Variants in UNC13B observed in about 807,000 individuals in gnomAD.
UNC13B encodes unc-13 homolog B.
A neutral mutation model predicts 211.0 loss-of-function variants in UNC13B; 144 were observed. That is an observed-to-expected ratio of 0.68 (90% CI 0.60 to 0.78). The LOEUF is 0.78. UNC13B is among the 30% of genes least tolerant of loss of function. UNC13B has a pLI of 0.00. For missense variants in UNC13B, 1,777 were observed against 2,002.0 expected (o/e 0.89, Z 2.14); for synonymous variants, 709 against 725.8 (o/e 0.98, Z 0.37).
chr9:35,331,906 T>C (rs1236126331), intron 11 of UNC13B, among the ~76,000 whole-genome samples: 1 of 152,164 alleles, frequency 6.6e-6, no homozygotes, highest in Non-Finnish European at 1.5e-5. Context: ...TAATCAAGAA[T>C]CTTTAATTAA....
chr9:35,293,907 C>A (rs562448909), intron 7 of UNC13B, among the ~76,000 whole-genome samples: 20 of 152,248 alleles, frequency 1.3e-4, no homozygotes, highest in South Asian at 1.2e-3. Flanking sequence ...GAGTTCTAAT[C>A]CCTCTCCTCT....
rs933242695 is a variant in UNC13B, at chr9:35,307,556, C to T, written c.8152C>T (p.Leu2718=). The change falls in exon 9 of 40, where the codon CTG becomes TTG. Residue 2718 remains leucine, a synonymous_variant. Coordinates refer to ENST00000635942, the MANE Select transcript of UNC13B (RefSeq NM_001371189.2). ...TGCAAGTGTGAGCCAGAGCACCACTCTGGAAACCGAAGGGCACTTTTCTCA... is the reference window on the plus strand; with the variant it reads ...TGCAAGTGTGAGCCAGAGCACCACTTTGGAAACCGAAGGGCACTTTTCTCA... ...NDASVSQSTT[L]ETEGHFSHPL... is the part of the protein sequence containing the mutation. The T allele has an allele frequency of 9.0e-5, 36 of 398,974 alleles. No homozygotes were observed. The highest frequency in any genetic ancestry group is 1.5e-4 in the Non-Finnish European group (33 of 226,104). The allele number at this position is 398,974 out of a possible 1,614,324, so 24.7% of individuals were successfully genotyped here. A position where few individuals can be genotyped will look rare whatever the true frequency, so the allele number is the denominator to read the frequency against.
chr9:35,267,495 A>C (rs908520417), intron 7 of UNC13B, among the ~76,000 whole-genome samples: 1 of 152,238 alleles, frequency 6.6e-6, no homozygotes. Context: ...GAAACACTGC[A>C]GTATCTTATT....
At chr9:35,310,384 A>C in intron 9 of UNC13B, 83 bp from the exon 10 acceptor site, 1 of 1,425,864 alleles carries the variant, frequency 7.0e-7, no homozygotes, top group African/African-American at 1.4e-5. Flanking sequence ...TAATGTAGTC[A>C]TTATTTCCTG....
chr9:35,330,560 CCAAAGAAGAGGAAGAAGTCAA>C, intron 11 of UNC13B, among the ~76,000 whole-genome samples: 1 of 152,180 alleles, frequency 6.6e-6, no homozygotes, highest in African/African-American at 2.4e-5. Context: ...TCTGGGACCA[CCAAAGAAGAGGAAGAAGTCAA>C]CGGAAGCCAA....
At chr9:35,174,105 A>G (rs2131270615) in intron 1 of UNC13B, among the ~76,000 whole-genome samples, 1 of 151,984 alleles carries the variant, frequency 6.6e-6, no homozygotes, top group East Asian at 1.9e-4. Context: ...CTATTCATCT[A>G]AGACAGGGAG....
At chr9:35,261,542 A>G (rs1374686133) in intron 7 of UNC13B, among the ~76,000 whole-genome samples, 1 of 152,160 alleles carries the variant, frequency 6.6e-6, no homozygotes, top group Non-Finnish European at 1.5e-5. Flanking sequence ...TGATACGGGC[A>G]TACAATATGT....
chr9:35,397,545 G>A, intron 29 of UNC13B, 90 bp from the exon 30 acceptor site: 2 of 1,438,278 alleles, frequency 1.4e-6, no homozygotes, highest in Non-Finnish European at 1.9e-6. Flanking sequence ...TGTTGTTATT[G>A]TTCTGTGATG....
chr9:35,304,404 C>T lies in UNC13B; in HGVS notation c.5000C>T (p.Pro1667Leu), dbSNP rs1445686052. ...KGDFRSFKER[P>L]CGSEDAECTL... is the part of the protein sequence containing the mutation. Reference sequence around the variant, plus strand: ...GACTTTAGATCTTTCAAAGAAAGGCCGTGTGGTTCTGAAGACGCTGAATGT... The same window carrying T: ...GACTTTAGATCTTTCAAAGAAAGGCTGTGTGGTTCTGAAGACGCTGAATGT... The change falls in exon 9 of 40, where the codon CCG (proline) becomes CTG (leucine). Residue 1667 changes from proline (P) to leucine (L), a missense_variant. By Grantham distance (98) the Pro-to-Leu change is moderately conservative. Coordinates refer to ENST00000635942, the MANE Select transcript of UNC13B (RefSeq NM_001371189.2). 11 of 398,410 alleles carry T rather than the reference C, an allele frequency of 2.8e-5. No individual in the cohort carries two copies. The highest frequency in any genetic ancestry group is 4.4e-5 in the Non-Finnish European group (10 of 225,872). The allele number at this position is 398,410 out of a possible 1,614,324, so 24.7% of individuals were successfully genotyped here.
rs80093577 is a variant in UNC13B, at chr9:35,336,806, G to A, written c.9414+22817G>A. On this transcript the variant is annotated intron_variant, in intron 11 of 39. Coordinates refer to ENST00000635942, the MANE Select transcript of UNC13B (RefSeq NM_001371189.2). ...ATATGAATTTTGGAGTGACACAGAC[G>A]TTCAGGCAATTCAACCCATTACAGG... is the stretch of plus-strand genomic sequence containing the variant. Among the ~76,000 whole-genome samples the A allele has an allele frequency of 2.1e-3, 314 of 152,290 alleles. 2 individuals carry two copies. The highest frequency in any genetic ancestry group is 6.4e-3 in the African/African-American group (267 of 41,566).
Position 35,300,971 on chromosome 9 carries a change from G to T in UNC13B, c.1567G>T (p.Ala523Ser). ...LTIVKNDKDT[A>S]ISFPELTGVQ... ...TATTGTCAAGAATGACAAGGACACGGCCATCTCTTTCCCTGAGTTGACTGG... is the reference window on the plus strand; with the variant it reads ...TATTGTCAAGAATGACAAGGACACGTCCATCTCTTTCCCTGAGTTGACTGG... The change falls in exon 9 of 40, where the codon GCC becomes TCC. Residue 523 changes from alanine (A) to serine (S), a missense_variant. By Grantham distance (99) the Ala-to-Ser change is moderately conservative. Transcript: ENST00000635942. 1 of 398,948 alleles carries T rather than the reference G, an allele frequency of 2.5e-6. No individual in the cohort carries two copies. Among genetic ancestry groups the T allele is most frequent in the East Asian group, 3.6e-5 (1 of 28,066 alleles). 24.7% of individuals were successfully genotyped at this position (398,948 alleles called of 1,614,324 possible).
At chr9:35,377,780 C>T in intron 16 of UNC13B, 85 bp downstream of exon 16, 1 of 1,362,148 alleles carries the variant, frequency 7.3e-7, no homozygotes, top group Non-Finnish European at 1.0e-6. Context: ...CGTGAGGGAG[C>T]AAGGGATTAG....
intron 1 of UNC13B, among the ~76,000 whole-genome samples, chr9:35,164,099 C>T (rs1210403133): frequency 6.6e-6 from 1 of 152,172 alleles, no homozygotes; most frequent in Admixed American, 6.5e-5. Context: ...TCACTGCAAC[C>T]TCCACCTCCT....
In UNC13B at chr9:35,300,786, A is replaced by G. The variant is rs1490263943; in HGVS notation, c.1382A>G (p.Glu461Gly). Residue 461 changes from glutamate to glycine, a missense_variant, in exon 9 of 40, where the codon GAG becomes GGG. Transcript: ENST00000635942. ...GAGGACCGTATTGATACAATGGATG[A>G]GCTTCAGTGTTTGGTAGAAACGGTG... ...PKEDRIDTMD[E>G]LQCLVETVSE... is the part of the protein sequence containing the mutation. 1.8e-5 allele frequency: 7 copies of G among 398,808 alleles called. No homozygotes were observed. The highest frequency in any genetic ancestry group is 3.1e-5 in the Non-Finnish European group (7 of 226,056). The allele number at this position is 398,808 out of a possible 1,614,324, so 24.7% of individuals were successfully genotyped here. A position where few individuals can be genotyped will look rare whatever the true frequency, so the allele number is the denominator to read the frequency against.
chr9:35,357,125 GGTAATTCTGT>G (rs1262659674), intron 11 of UNC13B, among the ~76,000 whole-genome samples: 1 of 152,140 alleles, frequency 6.6e-6, no homozygotes, highest in African/African-American at 2.4e-5. Context: ...TGGGTCATAT[GGTAATTCTGT>G]TTACCATTTG....
At chr9:35,267,601 A>G (rs1564103700) in intron 7 of UNC13B, among the ~76,000 whole-genome samples, 1 of 152,192 alleles carries the variant, frequency 6.6e-6, no homozygotes, top group Non-Finnish European at 1.5e-5. Flanking sequence ...GAGTGATAAC[A>G]TTAGTTTTCC....
At chr9:35,279,598 T>C (rs1333187227) in intron 7 of UNC13B, among the ~76,000 whole-genome samples, 1 of 152,230 alleles carries the variant, frequency 6.6e-6, no homozygotes, top group Non-Finnish European at 1.5e-5. Context: ...TTGCTTCCAG[T>C]ATTTGCAGTT....
chr9:35,358,793 G>A (rs1463040776), intron 11 of UNC13B, among the ~76,000 whole-genome samples: 1 of 149,222 alleles, frequency 6.7e-6, no homozygotes, highest in Non-Finnish European at 1.5e-5. Flanking sequence ...TCCTGAGTTC[G>A]AGCAATTCTT....
At chr9:35,245,036 T>C (rs1379595123) in intron 6 of UNC13B, among the ~76,000 whole-genome samples, 1 of 152,182 alleles carries the variant, frequency 6.6e-6, no homozygotes, top group East Asian at 1.9e-4. Flanking sequence ...ACTTAGTAAC[T>C]CTGAGCATTT....
Sources: allele counts gnomAD v4.1 joint callset (sites outside exome capture counted in the v4.1 genomes callset), GRCh38; gene constraint gnomAD v4.1.1; transcripts MANE v1.5; gene names NCBI Gene and HGNC (gene_info 2026-07-23, HGNC 2026-07-21).